Variants in MYO16 observed in about 807,000 individuals in gnomAD.
MYO16 encodes unconventional myosin-XVI.
Under a neutral mutation model 205.3 loss-of-function variants are expected in MYO16, and 94 were observed. The ratio of observed to expected loss-of-function variants is 0.46; its 90% CI spans 0.39 to 0.54. The LOEUF (loss-of-function observed/expected upper bound fraction) is 0.54. Among genes scored for constraint, MYO16 ranks in the 20% least tolerant of loss-of-function variants. The pLI, the probability that MYO16 is intolerant of heterozygous loss-of-function variation, is 0.00. For missense variants in MYO16, 2,315 were observed against 2,387.5 expected, an observed-to-expected ratio of 0.97 and a Z score of 0.63; for synonymous variants, 988 against 954.0, an observed-to-expected ratio of 1.04 and a Z score of -0.66.
At chr13:108,867,688 A>G (rs2139128519) in intron 12 of MYO16, among the ~76,000 whole-genome samples, 1 of 152,356 alleles carries the variant, frequency 6.6e-6, no homozygotes, top group South Asian at 2.1e-4. Flanking sequence ...TAATATAAAT[A>G]TTGCATAGCA....
chr13:108,618,827 A>G (rs570904190), intron 1 of MYO16, among the ~76,000 whole-genome samples: 1 of 152,196 alleles, frequency 6.6e-6, no homozygotes, highest in South Asian at 2.1e-4. Context: ...TACAACACTT[A>G]AACAATAGAT....
upstream of MYO16, among the ~76,000 whole-genome samples, chr13:108,625,061 T>A (rs1353800933): frequency 6.6e-6 from 1 of 152,162 alleles, no homozygotes; most frequent in Non-Finnish European, 1.5e-5. Context: ...CTCACTGCCC[T>A]CTGACATGGA....
chr13:109,081,907 A>G (rs1253191392), intron 27 of MYO16, among the ~76,000 whole-genome samples: 2 of 152,212 alleles, frequency 1.3e-5, no homozygotes, highest in Non-Finnish European at 2.9e-5. Flanking sequence ...GGCAAACTTC[A>G]GCTGACGGGC....
chr13:108,566,739 A>AAGGAAGGAAGGAAGGG, the MYO16 span, among the ~76,000 whole-genome samples: 2 of 7,794 alleles, frequency 2.6e-4, no homozygotes, highest in South Asian at 9.5e-3. Context: ...GGAAGGGAGG[A>AAGGAAGGAAGGAAGGG]AGGAAGGAAG....
rs777290486 is a variant in MYO16 at position 108,974,872 on chromosome 13, G to A, written c.2369+9970G>A. Among the ~76,000 whole-genome samples the A allele has an allele frequency of 1.8e-4, 27 of 152,314 alleles. 1 individual carries two copies. The highest frequency in any genetic ancestry group is 4.1e-4 in the South Asian group (2 of 4,834). On this transcript the variant is annotated intron_variant, in intron 20 of 34. Transcript: ENST00000457511. The stretch of plus-strand genomic sequence containing the variant: ...TGTTTATAAAATATTCTCTGAGCCT[G>A]AAGATGGAGCTAAGGAGGGAACATC...
chr13:108,996,655 T>C (rs972942903), intron 21 of MYO16, among the ~76,000 whole-genome samples: 11 of 152,108 alleles, frequency 7.2e-5, no homozygotes, highest in Non-Finnish European at 1.3e-4. Context: ...TGGCCATAGG[T>C]TGGTACTTAC....
chr13:108,974,317 A>G (rs1566440850), intron 20 of MYO16, among the ~76,000 whole-genome samples: 1 of 152,150 alleles, frequency 6.6e-6, no homozygotes, highest in Non-Finnish European at 1.5e-5. Flanking sequence ...TATACTTATG[A>G]AACTTTATAG....
chr13:108,817,093 T>TA (rs60359594), intron 7 of MYO16, among the ~76,000 whole-genome samples: 64 of 148,730 alleles, frequency 4.3e-4, no homozygotes, highest in African/African-American at 1.1e-3. Context: ...CCAGTGAGGA[T>TA]AAAAAAAAAA....
intron 4 of MYO16, among the ~76,000 whole-genome samples, chr13:108,740,943 A>C (rs886373605): frequency 1.3e-5 from 2 of 152,110 alleles, no homozygotes; most frequent in Admixed American, 1.3e-4. Context: ...CATGTTGGGG[A>C]TATAATCTCC....
intron 6 of MYO16, among the ~76,000 whole-genome samples, chr13:108,797,404 A>G (rs1413898903): frequency 1.3e-5 from 2 of 152,232 alleles, no homozygotes; most frequent in South Asian, 2.1e-4. Context: ...GAAATTTGGG[A>G]CCAAGCCATG....
At chr13:108,806,500 A>G (rs1373349296) in intron 6 of MYO16, among the ~76,000 whole-genome samples, 179 bp from the exon 7 acceptor site, 1 of 152,196 alleles carries the variant, frequency 6.6e-6, no homozygotes, top group Admixed American at 6.5e-5. Context: ...ACTTTCAAAG[A>G]CTGATAATTA....
intron 27 of MYO16, among the ~76,000 whole-genome samples, chr13:109,085,176 A>G (rs750402088): frequency 4.6e-5 from 7 of 152,144 alleles, no homozygotes; most frequent in Non-Finnish European, 7.4e-5. Context: ...CCTGGTGCCA[A>G]ACTAAAAGCT....
intron 27 of MYO16, among the ~76,000 whole-genome samples, chr13:109,081,079 TAA>T (rs1474940094): frequency 6.6e-6 from 1 of 152,132 alleles, no homozygotes. Context: ...ATATTATAGA[TAA>T]ACACACATAC....
the MYO16 span, among the ~76,000 whole-genome samples, chr13:108,585,806 G>A: frequency 6.6e-6 from 1 of 152,138 alleles, no homozygotes; most frequent in South Asian, 2.1e-4. Flanking sequence ...AGACCCCTTA[G>A]GTAGGAATTT....
chr13:108,693,367 GC>G (rs1882972526), intron 2 of MYO16, among the ~76,000 whole-genome samples: 1 of 152,068 alleles, frequency 6.6e-6, no homozygotes, highest in South Asian at 2.1e-4. Flanking sequence ...GAAATATTGT[GC>G]CCATTAATTA....
At chr13:108,683,291 C>T (rs751115009) in intron 2 of MYO16, among the ~76,000 whole-genome samples, 1 of 152,014 alleles carries the variant, frequency 6.6e-6, no homozygotes. Context: ...ATTTACAATC[C>T]CAAGCAGAGT....
intron 20 of MYO16, among the ~76,000 whole-genome samples, chr13:108,972,924 G>A (rs1250286652): frequency 6.6e-6 from 1 of 151,774 alleles, no homozygotes; most frequent in Non-Finnish European, 1.5e-5. Flanking sequence ...CCTGCCAGTG[G>A]ACAGGGGCTC....
chr13:108,863,146 C>T (rs1878529964), intron 11 of MYO16, among the ~76,000 whole-genome samples: 1 of 152,128 alleles, frequency 6.6e-6, no homozygotes, highest in South Asian at 2.1e-4. Flanking sequence ...GCCATATAGT[C>T]TGCAAATGAT....
upstream of MYO16, among the ~76,000 whole-genome samples, chr13:108,594,432 C>T (rs1878485053): frequency 6.6e-6 from 1 of 152,278 alleles, no homozygotes; most frequent in South Asian, 2.1e-4. Context: ...TCTTTCCCTC[C>T]TTCACAATGC....
Sources: gnomAD v4.1 joint callset for allele counts (sites outside exome capture counted in the v4.1 genomes callset) on GRCh38, gnomAD v4.1.1 for gene constraint, MANE v1.5 for transcripts, NCBI Gene and HGNC (gene_info 2026-07-23, HGNC 2026-07-21) for gene names.